The following MAP3K15 variants were observed in gnomAD, a reference collection of about 807,000 sequenced individuals.
MAP3K15 encodes mitogen-activated protein kinase kinase kinase 15, also known as MAPK/ERK kinase kinase 15.
MAP3K15 carries 124 observed loss-of-function variants against 99.5 expected under a neutral mutation model. The ratio of observed to expected loss-of-function variants is 1.25; its 90% CI spans 1.08 to 1.45. MAP3K15 has a LOEUF of 1.45. MAP3K15 is among the 40% of genes most tolerant of loss of function. The pLI is 0.00. For missense variants in MAP3K15, 1,242 were observed against 1,079.7 expected (o/e 1.15, Z -2.11); for synonymous variants, 494 against 439.6 (o/e 1.12, Z -1.55).
At chrX:19,505,882 G>C (rs1342271752) in intron 1 of MAP3K15, among the ~76,000 whole-genome samples, 2 of 109,467 alleles carry the variant, frequency 1.8e-5, no homozygotes, top group Non-Finnish European at 3.8e-5. Flanking sequence ...AGGTAGCTGG[G>C]ATTACAAGTG....
At chrX:19,475,876 G>A (rs1233963066) in intron 3 of MAP3K15, among the ~76,000 whole-genome samples, 1 of 112,027 alleles carries the variant, frequency 8.9e-6, no homozygotes, top group Admixed American at 9.4e-5. Context: ...AAGTAGCCTT[G>A]GGGTTGGCTA....
At chrX:19,384,749 GAAAAA>G (rs34619145) in intron 18 of MAP3K15, among the ~76,000 whole-genome samples, 1 of 22,559 alleles carries the variant, frequency 4.4e-5, no homozygotes, top group African/African-American at 1.9e-4. Context: ...TGTCTCAGGG[GAAAAA>G]AAAAAAAAAA....
chrX:19,384,678 G>A (rs1400102909), intron 18 of MAP3K15, among the ~76,000 whole-genome samples: 1 of 103,926 alleles, frequency 9.6e-6, no homozygotes, highest in African/African-American at 3.6e-5. Context: ...ATGAAGTTGG[G>A]GCTGCAGTGA....
chrX:19,460,352 A>G (rs1215237351), intron 4 of MAP3K15, among the ~76,000 whole-genome samples, 199 bp from the exon 5 acceptor site: 5 of 111,796 alleles, frequency 4.5e-5, no homozygotes, highest in African/African-American at 1.6e-4. Context: ...ACAAGTAAAA[A>G]TCAGTTCATT....
chrX:19,380,318 G>A (rs1422527367), intron 18 of MAP3K15, 41 bp from the exon 19 acceptor site: 2 of 1,187,795 alleles, frequency 1.7e-6, no homozygotes, highest in African/African-American at 1.7e-5. Flanking sequence ...GTACCATATT[G>A]CTCAGAAACT....
intron 13 of MAP3K15, among the ~76,000 whole-genome samples, chrX:19,401,047 A>T (rs183864878): frequency 9.0e-6 from 1 of 110,931 alleles, no homozygotes; most frequent in Non-Finnish European, 1.9e-5. Flanking sequence ...AGAATTAACC[A>T]TTTTTCTACT....
At chrX:19,374,424 G>A (rs753289359) in intron 20 of MAP3K15, 53 bp downstream of exon 20, 41 of 1,116,630 alleles carry the variant, frequency 3.7e-5, no homozygotes, top group Non-Finnish European at 4.5e-5. Flanking sequence ...GAAGCCCAGC[G>A]CCCAGCATTC....
chrX:19,482,179 C>CAAAAAAAAAAAAAAAAAAAAA (rs34191166), intron 3 of MAP3K15: 3 of 31,467 alleles, frequency 9.5e-5, no homozygotes, highest in African/African-American at 3.2e-4. Flanking sequence ...GATTCCAGCT[C>CAAAAAAAAAAAAAAAAAAAAA]AAAAAAAAAA....
chrX:19,514,285 G>A (rs1281436478), intron 1 of MAP3K15, among the ~76,000 whole-genome samples: 1 of 106,977 alleles, frequency 9.3e-6, no homozygotes, highest in Non-Finnish European at 1.9e-5. Context: ...CCTGCGTTGG[G>A]ACCCACGGCC....
intron 22 of MAP3K15, among the ~76,000 whole-genome samples, 197 bp downstream of exon 22, chrX:19,372,456 G>A (rs1048351860): frequency 4.4e-5 from 5 of 112,464 alleles, no homozygotes; most frequent in Admixed American, 9.4e-5. Context: ...TTCATGTTTC[G>A]GCAGAGCTTT....
Position 19,514,903 on chromosome X carries a change from G to A in MAP3K15, c.359C>T (p.Ala120Val), listed in dbSNP as rs1171701407. 3.6e-6 allele frequency: 4 copies of A among 1,119,159 alleles called. No individual in the cohort carries two copies. In the South Asian group the frequency reaches 7.8e-5, roughly 22 times the overall value. The allele number at this position is 1,119,159 out of a possible 1,213,427, so 92.2% of individuals were successfully genotyped here. The part of the protein sequence containing the change: ...ETAVLDAFYD[A>V]DVAVVDMSDV... ...GGTGGGGACGAAGCCGCTCTCACCT[G>A]CGTCGTAGAAGGCGTCGAGCACGGC... The change falls in exon 1 of 29, where the codon GCA becomes GTA. Residue 120 changes from alanine to valine, a missense_variant and splice_region_variant. Physicochemically the swap from Ala to Val is moderately conservative, Grantham distance 64. Transcript: ENST00000338883.
chrX:19,513,223 A>G lies in MAP3K15; in HGVS notation c.361+1678T>C, dbSNP rs1260622069. Among the ~76,000 whole-genome samples the G allele has an allele frequency of 6.6e-4, 73 of 111,029 alleles. 3 individuals are homozygous for G. In the Admixed American group the frequency reaches 7.0e-3, roughly 11 times the overall value. ...TTTGACGTCTGCATCTTCACAGTCG[A>G]CCTGTTAGAAGGGCCCCCCGTACAC... is the stretch of plus-strand genomic sequence containing the variant. On this transcript the variant is annotated intron_variant, in intron 1 of 28. Transcript: ENST00000338883.
At position 19,515,014 on chromosome X, in the gene MAP3K15, G is replaced by T; in HGVS notation, c.248C>A (p.Ala83Glu). 1 of 1,089,622 alleles carries T rather than the reference G, an allele frequency of 9.2e-7. No homozygotes were observed. The highest frequency in any genetic ancestry group is 1.2e-6 in the Non-Finnish European group (1 of 838,362). The allele number at this position is 1,089,622 out of a possible 1,213,427, so 89.8% of individuals were successfully genotyped here. The stretch of plus-strand genomic sequence containing the variant: ...GCAGGCCCGCAGCAGGCACTGCCGC[G>T]CCCCAGCCTCCGGGCCGCCGGCCGC... ...GGAAGGPEAG[A>E]RQCLLRACEA... is the part of the protein sequence containing the mutation. Residue 83 changes from alanine to glutamate, a missense_variant, in exon 1 of 29, where the codon GCG (alanine) becomes GAG (glutamate). Physicochemically the swap from Ala to Glu is moderately radical, Grantham distance 107. Transcript: ENST00000338883.
At chrX:19,443,667 G>A (rs774371098) in intron 6 of MAP3K15, among the ~76,000 whole-genome samples, 1 of 111,539 alleles carries the variant, frequency 9.0e-6, no homozygotes, top group Admixed American at 9.5e-5. Context: ...TATTCTGGGC[G>A]GGGGCACAGC....
intron 6 of MAP3K15, among the ~76,000 whole-genome samples, chrX:19,445,212 C>T (rs955808223): frequency 2.7e-5 from 3 of 110,556 alleles, no homozygotes; most frequent in Non-Finnish European, 5.7e-5. Flanking sequence ...AAACTATCTG[C>T]CCCCAAATTC....
At chrX:19,451,457 A>T (rs768239003) in intron 6 of MAP3K15, among the ~76,000 whole-genome samples, 45 of 103,299 alleles carry the variant, frequency 4.4e-4, no homozygotes, top group African/African-American at 1.5e-3. Flanking sequence ...TAAAAAAAAA[A>T]ACCCTCCTAC....
intron 4 of MAP3K15, among the ~76,000 whole-genome samples, chrX:19,461,692 T>C (rs1039890868): frequency 1.2e-4 from 13 of 111,295 alleles, no homozygotes; most frequent in Non-Finnish European, 2.4e-4. Context: ...TGTCGTCCCA[T>C]TAAGAAGCTG....
intron 1 of MAP3K15, among the ~76,000 whole-genome samples, chrX:19,505,747 CT>C (rs573926654): frequency 1.8e-3 from 174 of 96,127 alleles, no homozygotes; most frequent in East Asian, 7.2e-3. Context: ...AATCTCTTTT[CT>C]TTTTTTTTTT....
chrX:19,370,565 T>G (rs1169624386), intron 24 of MAP3K15, among the ~76,000 whole-genome samples: 2 of 110,166 alleles, frequency 1.8e-5, no homozygotes, highest in African/African-American at 3.3e-5. Flanking sequence ...CTGGCTAATT[T>G]TTTGTATTTT....
Sources: allele counts gnomAD v4.1 joint callset (sites outside exome capture counted in the v4.1 genomes callset), GRCh38; gene constraint gnomAD v4.1.1; transcripts MANE v1.5; gene names NCBI Gene and HGNC (gene_info 2026-07-23, HGNC 2026-07-21).